Variants in METTL15 observed in about 807,000 individuals in gnomAD.
METTL15 encodes methyltransferase 15, mitochondrial 12S rRNA N4-cytidine.
In METTL15, 34 loss-of-function variants were observed where a neutral mutation model predicts 38.3. That is an observed-to-expected ratio of 0.89 (90% CI 0.68 to 1.18). METTL15 has a LOEUF of 1.18. METTL15 is among the 50% of genes most tolerant of loss of function. METTL15 has a pLI of 0.00. For missense variants in METTL15, 438 were observed against 498.4 expected, an observed-to-expected ratio of 0.88 and a Z score of 1.15; for synonymous variants, 162 against 170.9, an observed-to-expected ratio of 0.95 and a Z score of 0.41.
chr11:28,199,891 C>T (rs922359395), intron 3 of METTL15, among the ~76,000 whole-genome samples: 9 of 151,800 alleles, frequency 5.9e-5, no homozygotes, highest in East Asian at 1.9e-4. Context: ...TACAGGCGCC[C>T]GCCACCATGC....
At chr11:28,437,789 T>C (rs1374612026) in intron 6 of METTL15, among the ~76,000 whole-genome samples, 1 of 152,226 alleles carries the variant, frequency 6.6e-6, no homozygotes, top group Non-Finnish European at 1.5e-5. Context: ...GAGGACATGG[T>C]TTACACATCA....
chr11:28,108,781 A>G (rs1371745316), intron 1 of METTL15, among the ~76,000 whole-genome samples: 1 of 152,222 alleles, frequency 6.6e-6, no homozygotes, highest in Non-Finnish European at 1.5e-5. Flanking sequence ...ATGATGGCAT[A>G]ACAAAATAAA....
At chr11:28,488,778 G>A (rs980405022) in intron 6 of METTL15, among the ~76,000 whole-genome samples, 41 of 152,044 alleles carry the variant, frequency 2.7e-4, no homozygotes, top group African/African-American at 9.7e-4. Flanking sequence ...CTGACCCCAC[G>A]ATACTTTTTT....
intron 5 of METTL15, among the ~76,000 whole-genome samples, chr11:28,396,605 G>A (rs1850571717): frequency 6.6e-6 from 1 of 152,078 alleles, no homozygotes; most frequent in African/African-American, 2.4e-5. Context: ...ACAAAAAAAT[G>A]GAAGAATATT....
chr11:28,264,770 T>G (rs1356912280), intron 4 of METTL15, among the ~76,000 whole-genome samples: 3 of 152,248 alleles, frequency 2.0e-5, no homozygotes, highest in Admixed American at 2.0e-4. Flanking sequence ...AATTAACAAT[T>G]TGAGCTTGGA....
chr11:28,500,698 T>C (rs1328196446), intron 6 of METTL15, among the ~76,000 whole-genome samples: 4 of 152,174 alleles, frequency 2.6e-5, no homozygotes, highest in African/African-American at 7.2e-5. Context: ...AATTTTTATA[T>C]TTTTAGTAGA....
At position 28,323,808 on chromosome 11, in the gene METTL15, A is replaced by G. The variant is rs1849547209; in HGVS notation, c.779-6588A>G. Among the ~76,000 whole-genome samples the G allele has an allele frequency of 3.9e-5, 6 of 152,170 alleles. No individual in the cohort carries two copies. In the South Asian group the frequency reaches 1.2e-3, roughly 32 times the overall value. ...AAACAGAAAGGATATAAAACTGTCA[A>G]GAGTCTTAAAATACACCACCATCAA... On this transcript the variant is annotated intron_variant, in intron 6 of 6. Coordinates refer to ENST00000407364, the MANE Select transcript of METTL15 (RefSeq NM_001113528.2).
At chr11:28,409,835 A>T (rs186874756) in intron 5 of METTL15, among the ~76,000 whole-genome samples, 2 of 152,244 alleles carry the variant, frequency 1.3e-5, no homozygotes, top group East Asian at 3.9e-4. Context: ...AAATTAACAA[A>T]ACCAAGAGTT....
chr11:28,115,281 G>A (rs983981229), intron 3 of METTL15, among the ~76,000 whole-genome samples: 43 of 147,660 alleles, frequency 2.9e-4, no homozygotes, highest in African/African-American at 1.0e-3. Context: ...TTTTTGAGAT[G>A]GAGTTTTGCT....
intron 6 of METTL15, among the ~76,000 whole-genome samples, chr11:28,520,771 A>G (rs956184147): frequency 1.3e-5 from 2 of 152,244 alleles, no homozygotes; most frequent in Admixed American, 1.3e-4. Flanking sequence ...ATTTAGGAAA[A>G]TGAATTTCAA....
intron 6 of METTL15, among the ~76,000 whole-genome samples, chr11:28,461,194 C>T (rs1328051435): frequency 6.6e-6 from 1 of 152,002 alleles, no homozygotes; most frequent in Non-Finnish European, 1.5e-5. Flanking sequence ...GAATCCAATT[C>T]CATTTATTTC....
chr11:28,372,450 C>CTTTT (rs56304548), intron 5 of METTL15, among the ~76,000 whole-genome samples: 1 of 101,580 alleles, frequency 9.8e-6, no homozygotes, highest in Non-Finnish European at 2.0e-5. Flanking sequence ...TTGTTGTGTT[C>CTTTT]TTTTTTTTTT....
chr11:28,457,063 A>G (rs1205429607), intron 6 of METTL15, among the ~76,000 whole-genome samples: 1 of 152,188 alleles, frequency 6.6e-6, no homozygotes, highest in Non-Finnish European at 1.5e-5. Context: ...GATTTATTAT[A>G]TAGCAATAAA....
intron 6 of METTL15, among the ~76,000 whole-genome samples, chr11:28,430,929 C>A (rs1850919955): frequency 8.8e-6 from 1 of 113,768 alleles, no homozygotes; most frequent in African/African-American, 3.2e-5. Context: ...GCCCGGCCAG[C>A]CGCCCCGTCC....
chr11:28,175,778 A>T (rs1211040641), intron 3 of METTL15, among the ~76,000 whole-genome samples: 1 of 152,072 alleles, frequency 6.6e-6, no homozygotes, highest in African/African-American at 2.4e-5. Context: ...TTTTGCTGCC[A>T]TTGCCCTAAT....
rs145953543 is a variant in METTL15, at chr11:28,525,410, T to C, written c.*425-1068T>C. Among the ~76,000 whole-genome samples, 475 of 152,256 alleles carry C rather than the reference T, an allele frequency of 3.1e-3. 1 individual carries two copies. Among genetic ancestry groups the C allele is most frequent in the African/African-American group, 0.011 (463 of 41,536 alleles). On this transcript the variant is annotated intron_variant and NMD_transcript_variant, in intron 6 of 7. Transcript: ENST00000532947. ...AGATTAGCTAGATACACAGTGCTAATTGATGTATTTACAAACCCTGAGCTA... is the reference window on the plus strand; with the variant it reads ...AGATTAGCTAGATACACAGTGCTAACTGATGTATTTACAAACCCTGAGCTA...
intron 6 of METTL15, among the ~76,000 whole-genome samples, chr11:28,425,043 T>C (rs1173385729): frequency 6.6e-6 from 1 of 152,196 alleles, no homozygotes; most frequent in African/African-American, 2.4e-5. Context: ...TCATAGTTTT[T>C]ATAAGATCAT....
At chr11:28,415,892 A>G (rs544422323) in intron 5 of METTL15, among the ~76,000 whole-genome samples, 1 of 152,332 alleles carries the variant, frequency 6.6e-6, no homozygotes, top group South Asian at 2.1e-4. Context: ...CAGAATTTAC[A>G]GGAGGGAGAA....
chr11:28,396,284 G>A (rs1306867704), intron 5 of METTL15, among the ~76,000 whole-genome samples: 1 of 152,084 alleles, frequency 6.6e-6, no homozygotes, highest in Admixed American at 6.6e-5. Flanking sequence ...TATTCAATTA[G>A]GAAAAGAGGA....
Sources: gnomAD v4.1 joint callset for allele counts (sites outside exome capture counted in the v4.1 genomes callset) on GRCh38, gnomAD v4.1.1 for gene constraint, MANE v1.5 for transcripts, NCBI Gene and HGNC (gene_info 2026-07-23, HGNC 2026-07-21) for gene names.